The following NEK11 variants were observed in gnomAD, a reference collection of about 807,000 sequenced individuals.
NEK11 encodes the protein serine/threonine-protein kinase Nek11.
A neutral mutation model predicts 80.7 loss-of-function variants in NEK11; 72 were observed. The ratio of observed to expected loss-of-function variants is 0.89; its 90% confidence interval spans 0.74 to 1.08. NEK11 has a LOEUF of 1.08. Ranked by LOEUF, NEK11 falls within the 50% of genes least tolerant of loss-of-function variation. The probability of loss-of-function intolerance (pLI) is 0.00; values close to 1 mark genes in which losing one functional copy is unlikely to be tolerated. For synonymous variants in NEK11, 251 were observed against 260.7 expected (o/e 0.96, Z 0.36); for missense variants, 764 against 763.6 (o/e 1.00, Z -0.01).
At chr3:131,100,368 G>C (rs1201211326) in intron 4 of NEK11, among the ~76,000 whole-genome samples, 1 of 152,046 alleles carries the variant, frequency 6.6e-6, no homozygotes, top group Admixed American at 6.6e-5. Context: ...AGGCTGAGGT[G>C]GGCAGATCAC....
At chr3:131,029,144 A>G (rs2064402427) in intron 2 of NEK11, among the ~76,000 whole-genome samples, 1 of 152,254 alleles carries the variant, frequency 6.6e-6, no homozygotes. Context: ...AAATAAATCT[A>G]AAGGAAACAG....
intron 6 of NEK11, chr3:131,133,300 A>T (rs779810489): frequency 2.2e-6 from 1 of 455,178 alleles, no homozygotes; most frequent in East Asian, 7.0e-5. Flanking sequence ...TAATCATCAT[A>T]TAGGGTGTAC....
chr3:131,324,262 C>G (rs975831455), intron 17 of NEK11, among the ~76,000 whole-genome samples: 15 of 152,096 alleles, frequency 9.9e-5, no homozygotes, highest in African/African-American at 3.1e-4. Flanking sequence ...CAGGCCTAGT[C>G]AAGAAGAGGC....
intron 17 of NEK11, among the ~76,000 whole-genome samples, chr3:131,317,438 C>T (rs1021355424): frequency 3.9e-5 from 6 of 152,056 alleles, no homozygotes; most frequent in African/African-American, 1.4e-4. Context: ...CTTTCATCCC[C>T]TTGTTACATT....
At chr3:131,228,421 C>G (rs1203316330) in intron 14 of NEK11, 107 bp from the exon 15 acceptor site, 1 of 966,472 alleles carries the variant, frequency 1.0e-6, no homozygotes, top group African/African-American at 1.6e-5. Context: ...TCCATGGAAG[C>G]TTTGTCAACG....
At chr3:131,169,145 A>T (rs1230612989) in intron 13 of NEK11, among the ~76,000 whole-genome samples, 2 of 152,196 alleles carry the variant, frequency 1.3e-5, no homozygotes, top group Non-Finnish European at 2.9e-5. Flanking sequence ...GCTAAAGAAA[A>T]ATGTGATAAG....
intron 14 of NEK11, among the ~76,000 whole-genome samples, chr3:131,197,835 T>C (rs1423873370): frequency 6.6e-6 from 1 of 152,206 alleles, no homozygotes; most frequent in African/African-American, 2.4e-5. Flanking sequence ...GCATTTCTAA[T>C]GGAGGGTCCT....
At chr3:131,092,397 C>T (rs948586368) in intron 4 of NEK11, among the ~76,000 whole-genome samples, 2 of 152,178 alleles carry the variant, frequency 1.3e-5, no homozygotes, top group South Asian at 4.1e-4. Context: ...GAAGTGTATT[C>T]CTTAACAGAG....
intron 10 of NEK11, among the ~76,000 whole-genome samples, chr3:131,155,400 CA>C (rs1240919883): frequency 6.6e-6 from 1 of 152,126 alleles, no homozygotes; most frequent in Non-Finnish European, 1.5e-5. Flanking sequence ...GTTAATATCT[CA>C]AATATTTAGT....
chr3:131,215,785 T>C (rs1209511224), intron 14 of NEK11, among the ~76,000 whole-genome samples: 3 of 152,112 alleles, frequency 2.0e-5, no homozygotes, highest in Admixed American at 2.0e-4. Flanking sequence ...TGATGGTAGA[T>C]GGTGTGCTGG....
chr3:131,066,153 C>T (rs1453352859), intron 3 of NEK11, among the ~76,000 whole-genome samples: 1 of 152,284 alleles, frequency 6.6e-6, no homozygotes, highest in African/African-American at 2.4e-5. Flanking sequence ...CCAATCAACC[C>T]TCCACAGAAA....
intron 6 of NEK11, 87 bp downstream of exon 6, chr3:131,132,896 G>A: frequency 1.6e-6 from 1 of 612,452 alleles, no homozygotes; most frequent in Non-Finnish European, 2.8e-6. Flanking sequence ...ATGGTACGTG[G>A]AAGTATTAGA....
chr3:131,202,347 G>A (rs899424824), intron 14 of NEK11, among the ~76,000 whole-genome samples: 1 of 152,150 alleles, frequency 6.6e-6, no homozygotes, highest in Non-Finnish European at 1.5e-5. Flanking sequence ...CTAGCCAAGG[G>A]AAGCCCTGAC....
chr3:131,133,723 C>T (rs1578846432), intron 6 of NEK11, 107 bp from the exon 7 acceptor site: 1 of 744,252 alleles, frequency 1.3e-6, no homozygotes. Context: ...ATGCTATGAA[C>T]CATTGCATAA....
chr3:131,253,196 G>A (rs185454075), intron 16 of NEK11, among the ~76,000 whole-genome samples: 2 of 152,242 alleles, frequency 1.3e-5, no homozygotes, highest in Non-Finnish European at 2.9e-5. Flanking sequence ...GGACAGATCA[G>A]TGCAAGGTTT....
chr3:131,160,600 A>G (rs936412590), intron 10 of NEK11, among the ~76,000 whole-genome samples: 1 of 152,228 alleles, frequency 6.6e-6, no homozygotes, highest in African/African-American at 2.4e-5. Context: ...TTGAATGTAA[A>G]CAGACGAAAT....
chr3:131,209,898 G>C (rs1416330161), intron 14 of NEK11, among the ~76,000 whole-genome samples: 2 of 151,982 alleles, frequency 1.3e-5, no homozygotes, highest in Non-Finnish European at 2.9e-5. Context: ...AGTCTTGCTA[G>C]CATCTATCTA....
chr3:131,278,019 G>A (rs2096327593), intron 17 of NEK11, among the ~76,000 whole-genome samples: 1 of 152,230 alleles, frequency 6.6e-6, no homozygotes, highest in African/African-American at 2.4e-5. Flanking sequence ...GTTGACATGT[G>A]TTTGTGATGT....
chr3:131,303,112 T>G (rs765174710), intron 17 of NEK11, among the ~76,000 whole-genome samples: 2 of 152,236 alleles, frequency 1.3e-5, no homozygotes, highest in African/African-American at 2.4e-5. Context: ...TGATTATTGT[T>G]GGTAAAAAGT....
Sources: gnomAD v4.1 joint callset for allele counts (sites outside exome capture counted in the v4.1 genomes callset) on GRCh38, gnomAD v4.1.1 for gene constraint, MANE v1.5 for transcripts, NCBI Gene and HGNC (gene_info 2026-07-23, HGNC 2026-07-21) for gene names.